SNTB1: variants seen among roughly 807,000 people sequenced by gnomAD.
The protein encoded by SNTB1 is syntrophin beta 1, also known as beta-1-syntrophin.
SNTB1 carries 36 observed loss-of-function variants against 48.9 expected under a neutral mutation model. The observed-to-expected ratio is 0.74, with a 90% CI of 0.56 to 0.97. The LOEUF is 0.97. SNTB1 is among the 50% of genes least tolerant of loss of function. SNTB1 has a pLI of 0.00. For synonymous variants in SNTB1, 299 were observed against 294.6 expected, an observed-to-expected ratio of 1.01 and a Z score of -0.15; for missense variants, 786 against 703.4, an observed-to-expected ratio of 1.12 and a Z score of -1.33.
intron 1 of SNTB1, among the ~76,000 whole-genome samples, chr8:120,763,925 C>T (rs1384908275): frequency 6.6e-6 from 1 of 151,988 alleles, no homozygotes; most frequent in African/African-American, 2.4e-5. Flanking sequence ...CCAAAGAAGA[C>T]CAAGTGTTTG....
intron 3 of SNTB1, among the ~76,000 whole-genome samples, chr8:120,595,293 A>G (rs1314900313): frequency 1.3e-5 from 2 of 152,172 alleles, no homozygotes; most frequent in East Asian, 3.9e-4. Context: ...GGTCATAAAG[A>G]CCTTGTGGAT....
At chr8:120,727,872 G>T (rs1818787063) in intron 1 of SNTB1, among the ~76,000 whole-genome samples, 1 of 152,154 alleles carries the variant, frequency 6.6e-6, no homozygotes, top group African/African-American at 2.4e-5. Context: ...TCCTAGACCG[G>T]AAGAATTCAC....
chr8:120,721,484 A>T (rs1241755645), intron 1 of SNTB1, among the ~76,000 whole-genome samples: 1 of 152,172 alleles, frequency 6.6e-6, no homozygotes, highest in Non-Finnish European at 1.5e-5. Flanking sequence ...CTTACATAAA[A>T]CTTCAACTGT....
At chr8:120,552,113 G>A (rs1244764667) in intron 4 of SNTB1, among the ~76,000 whole-genome samples, 1 of 152,176 alleles carries the variant, frequency 6.6e-6, no homozygotes, top group African/African-American at 2.4e-5. Context: ...CACTCTCATG[G>A]AGAATCTTAG....
At chr8:120,554,096 A>G (rs919631024) in intron 4 of SNTB1, among the ~76,000 whole-genome samples, 3 of 152,220 alleles carry the variant, frequency 2.0e-5, no homozygotes, top group African/African-American at 7.2e-5. Flanking sequence ...GAGAAAAGAA[A>G]TCGATTCCCG....
chr8:120,622,663 G>A (rs1202500455), intron 3 of SNTB1, among the ~76,000 whole-genome samples: 2 of 152,158 alleles, frequency 1.3e-5, no homozygotes, highest in Non-Finnish European at 2.9e-5. Context: ...AAACTTCTAG[G>A]TGGTGGCTAT....
rs533689626 is a variant in SNTB1, at chr8:120,735,469, T to C, written c.572-41561A>G. On this transcript the variant is annotated intron_variant, in intron 1 of 6. Transcript: ENST00000517992. ...ACTGTATTTGGAGATAGACAGCCTC[T>C]TTAAAGAGGTGATTAAGTTAAAACG... 6.1e-4 allele frequency among the ~76,000 whole-genome samples: 93 copies of C among 152,288 alleles called. 1 individual carries two copies. The South Asian group carries it at 0.01, about 17-fold the overall frequency.
At chr8:120,646,747 T>A (rs1466625532) in intron 2 of SNTB1, among the ~76,000 whole-genome samples, 1 of 152,080 alleles carries the variant, frequency 6.6e-6, no homozygotes, top group East Asian at 1.9e-4. Flanking sequence ...ATGGTACCAG[T>A]TCCTCCTTGT....
chr8:120,733,643 A>C (rs954952715), intron 1 of SNTB1, among the ~76,000 whole-genome samples: 1 of 152,226 alleles, frequency 6.6e-6, no homozygotes, highest in African/African-American at 2.4e-5. Context: ...TGACATAACA[A>C]ACAACCATAT....
At chr8:120,761,113 T>C (rs1402300997) in intron 1 of SNTB1, 1 of 152,190 alleles carries the variant, frequency 6.6e-6, no homozygotes, top group African/African-American at 2.4e-5. Flanking sequence ...GAGCAAATCA[T>C]AGGGTTATTG....
At position 120,575,166 on chromosome 8, in the gene SNTB1, G is replaced by GTCTT; in HGVS notation, c.1052_1055dup (p.Asp352GlufsTer7). On this transcript the variant is annotated frameshift_variant, in exon 4 of 7. Transcript: ENST00000517992. LOFTEE classifies it high-confidence loss of function. ...GTGGCATGCTGTCATAGATTAAAAG[G>GTCTT]TCTTTCTCAGTCAGCACAACCAGGG... is the stretch of plus-strand genomic sequence containing the variant. The GTCTT allele has an allele frequency of 2.5e-6, 4 of 1,614,114 alleles. No individual in the cohort carries two copies. The highest frequency in any genetic ancestry group is 3.4e-6 in the Non-Finnish European group (4 of 1,180,010).
Position 120,742,439 on chromosome 8 carries a change from C to T in SNTB1, c.572-48531G>A, listed in dbSNP as rs114227700. 1.7e-3 allele frequency among the ~76,000 whole-genome samples: 254 copies of T among 152,276 alleles called. 1 individual carries two copies. Among genetic ancestry groups the T allele is most frequent in the African/African-American group, 5.9e-3 (246 of 41,552 alleles). On this transcript the variant is annotated intron_variant, in intron 1 of 6. Coordinates refer to ENST00000517992, the MANE Select transcript of SNTB1 (RefSeq NM_021021.4). Reference sequence around the variant, plus strand: ...AGGATGTAAGCAACTGAAAGCATCACATTTGTCTGAGGTGATTTATTTCTG... The same window carrying T: ...AGGATGTAAGCAACTGAAAGCATCATATTTGTCTGAGGTGATTTATTTCTG...
chr8:120,645,823 A>G, intron 2 of SNTB1, among the ~76,000 whole-genome samples: 1 of 76,520 alleles, frequency 1.3e-5, no homozygotes, highest in African/African-American at 5.1e-5. Flanking sequence ...ATTTGTTTGT[A>G]TCCTCTTTTA....
At chr8:120,706,344 G>A (rs1818375659) in intron 1 of SNTB1, among the ~76,000 whole-genome samples, 1 of 152,070 alleles carries the variant, frequency 6.6e-6, no homozygotes, top group South Asian at 2.1e-4. Flanking sequence ...TAATCAACCG[G>A]ATATACGAGT....
At chr8:120,665,083 T>C (rs1451092358) in intron 2 of SNTB1, among the ~76,000 whole-genome samples, 3 of 152,260 alleles carry the variant, frequency 2.0e-5, no homozygotes, top group Non-Finnish European at 2.9e-5. Flanking sequence ...TAAGATCAAG[T>C]GTCTGTATAC....
chr8:120,695,920 G>A (rs755944233), intron 1 of SNTB1, among the ~76,000 whole-genome samples: 46 of 152,092 alleles, frequency 3.0e-4, no homozygotes, highest in Non-Finnish European at 3.5e-4. Flanking sequence ...TATTATTCAT[G>A]GACTGTGTAT....
intron 2 of SNTB1, among the ~76,000 whole-genome samples, chr8:120,657,458 A>T (rs1029722473): frequency 8.5e-5 from 13 of 152,210 alleles, no homozygotes; most frequent in African/African-American, 2.9e-4. Flanking sequence ...TTCCAGGCTC[A>T]TCTAGGATAA....
At chr8:120,775,707 CAAGGAAGGAAGG>C (rs371412589) in intron 1 of SNTB1, among the ~76,000 whole-genome samples, 10,264 of 114,364 alleles carry the variant, frequency 0.09, 725 homozygotes, top group African/African-American at 0.21. Context: ...GGGAAGGAGA[CAAGGAAGGAAGG>C]AAGGAAGGAA....
intron 1 of SNTB1, among the ~76,000 whole-genome samples, chr8:120,777,093 A>G (rs1449071932): frequency 6.6e-6 from 1 of 152,240 alleles, no homozygotes; most frequent in Non-Finnish European, 1.5e-5. Context: ...AGAACTTTCC[A>G]GGAGCCATAG....
Sources: allele counts gnomAD v4.1 joint callset (sites outside exome capture counted in the v4.1 genomes callset), GRCh38; gene constraint gnomAD v4.1.1; transcripts MANE v1.5; gene names NCBI Gene and HGNC (gene_info 2026-07-23, HGNC 2026-07-21).